SYNCRIP: variants seen among roughly 807,000 people sequenced by gnomAD.
SYNCRIP encodes heterogeneous nuclear ribonucleoprotein Q.
In SYNCRIP, 9 loss-of-function variants were observed where a neutral mutation model predicts 68.9. That is an observed-to-expected ratio of 0.13 (90% confidence interval 0.08 to 0.23). The LOEUF is 0.23. SYNCRIP is among the 10% of genes least tolerant of loss of function. SYNCRIP has a pLI of 1.00. For synonymous variants in SYNCRIP, 258 were observed against 254.0 expected (o/e 1.02, Z -0.15); for missense variants, 414 against 770.6 (o/e 0.54, Z 5.48).
chr6:85,623,913 C>G, intron 7 of SYNCRIP, 64 bp downstream of exon 7: 1 of 1,580,596 alleles, frequency 6.3e-7, no homozygotes, highest in East Asian at 2.2e-5. Context: ...GCATGACGCA[C>G]AGAAATATGC....
At chr6:85,636,746 T>C (rs1280178709) in intron 6 of SYNCRIP, among the ~76,000 whole-genome samples, 3 of 152,184 alleles carry the variant, frequency 2.0e-5, no homozygotes, top group African/African-American at 7.2e-5. Flanking sequence ...TAAGAACCAA[T>C]TGCTAGGAAT....
intron 6 of SYNCRIP, among the ~76,000 whole-genome samples, chr6:85,626,080 T>C (rs62443358): frequency 0.049 from 7,421 of 152,334 alleles, 261 homozygotes; most frequent in Non-Finnish European, 0.075. Context: ...TGTTTTCTCA[T>C]ATAGCATTCA....
chr6:85,618,407 A>C (rs1169463068), intron 10 of SYNCRIP, among the ~76,000 whole-genome samples: 1 of 151,638 alleles, frequency 6.6e-6, no homozygotes, highest in African/African-American at 2.4e-5. Flanking sequence ...ATTACCAGGC[A>C]TGGTGGCGCC....
intron 6 of SYNCRIP, among the ~76,000 whole-genome samples, chr6:85,635,416 T>C (rs1304631720): frequency 1.3e-5 from 2 of 152,194 alleles, no homozygotes; most frequent in African/African-American, 2.4e-5. Context: ...AATTTTGTAC[T>C]GTTTAACTTC....
At chr6:85,613,161 C>T (rs543267805), downstream of SYNCRIP, among the ~76,000 whole-genome samples, 9 of 151,506 alleles carry the variant, frequency 5.9e-5, no homozygotes, top group South Asian at 2.1e-4. Flanking sequence ...GGTTTGAAAA[C>T]CCCATTTTGT....
chr6:85,626,385 GA>G lies in SYNCRIP; in HGVS notation c.667-2274del, dbSNP rs201757217. ...ATTAACAAAAACAATTAAAATACCA[GA>G]AAAAGGTGGAAAGAAATACCAAGTG... On this transcript the variant is annotated intron_variant, in intron 6 of 10. Transcript: ENST00000369622. Among the ~76,000 whole-genome samples, 1,218 of 151,890 alleles carry G rather than the reference GA, an allele frequency of 8.0e-3. 20 individuals are homozygous for G. Among genetic ancestry groups the G allele is most frequent in the African/African-American group, 0.028 (1,167 of 41,392 alleles).
intron 2 of SYNCRIP, 64 bp from the exon 3 acceptor site, chr6:85,640,628 G>T: frequency 2.0e-6 from 2 of 1,006,800 alleles, no homozygotes; most frequent in Non-Finnish European, 2.9e-6. Context: ...AGAAGACTAT[G>T]TTGGCAATAC....
chr6:85,621,343 G>C (rs1806365618), intron 8 of SYNCRIP, among the ~76,000 whole-genome samples: 1 of 152,190 alleles, frequency 6.6e-6, no homozygotes, highest in African/African-American at 2.4e-5. Context: ...CTGGGGCATG[G>C]TGGCTCATGC....
chr6:85,616,927 A>G (rs897703138), intron 10 of SYNCRIP, among the ~76,000 whole-genome samples: 2 of 152,204 alleles, frequency 1.3e-5, no homozygotes, highest in Non-Finnish European at 2.9e-5. Flanking sequence ...AAAGTCCTAC[A>G]ACGCACAGGG....
At chr6:85,632,384 T>C (rs941494843) in intron 6 of SYNCRIP, among the ~76,000 whole-genome samples, 2 of 152,180 alleles carry the variant, frequency 1.3e-5, no homozygotes, top group South Asian at 2.1e-4. Context: ...AAACTCACTT[T>C]GGATAGAACT....
chr6:85,624,600 C>CT (rs1472428961), intron 6 of SYNCRIP, among the ~76,000 whole-genome samples: 14 of 152,210 alleles, frequency 9.2e-5, no homozygotes, highest in African/African-American at 3.4e-4. Context: ...TCCAACTGTA[C>CT]TTTTTCCCCA....
chr6:85,632,488 C>T (rs1452176788), intron 6 of SYNCRIP, among the ~76,000 whole-genome samples: 7 of 152,074 alleles, frequency 4.6e-5, no homozygotes, highest in African/African-American at 9.7e-5. Flanking sequence ...TATTCATGTC[C>T]GCAAATGAAT....
At chr6:85,619,049 C>A in intron 9 of SYNCRIP, 110 bp from the exon 10 acceptor site, 1 of 1,224,208 alleles carries the variant, frequency 8.2e-7, no homozygotes, top group South Asian at 1.4e-5. Context: ...GAGAAAGCCC[C>A]ATGCAGGCAG....
At chr6:85,624,288 C>A (rs1806789420) in intron 6 of SYNCRIP, among the ~76,000 whole-genome samples, 176 bp from the exon 7 acceptor site, 1 of 152,130 alleles carries the variant, frequency 6.6e-6, no homozygotes, top group South Asian at 2.1e-4. Context: ...AGTTCATGAA[C>A]CAATTTAATG....
chr6:85,608,417 G>C (rs1267371194), exon 12 of SYNCRIP: 1 of 151,874 alleles, frequency 6.6e-6, no homozygotes, highest in Non-Finnish European at 1.5e-5. Flanking sequence ...TAACATCAGA[G>C]GCAGTACAGA....
At chr6:85,642,449 G>A (rs563624388) in intron 1 of SYNCRIP, among the ~76,000 whole-genome samples, 159 of 152,250 alleles carry the variant, frequency 1.0e-3, no homozygotes, top group African/African-American at 3.1e-3. Context: ...CAAGCTCGCC[G>A]CACGGCTGCA....
intron 6 of SYNCRIP, among the ~76,000 whole-genome samples, chr6:85,632,950 T>C (rs1271088120): frequency 6.6e-6 from 1 of 150,646 alleles, no homozygotes; most frequent in Non-Finnish European, 1.5e-5. Flanking sequence ...ACAGTAATAA[T>C]AATTAAAACC....
chr6:85,629,555 G>T (rs911496041), intron 6 of SYNCRIP, among the ~76,000 whole-genome samples: 2 of 150,802 alleles, frequency 1.3e-5, no homozygotes, highest in Non-Finnish European at 3.0e-5. Context: ...CGGGTGCGGT[G>T]GCTCATGCCT....
In SYNCRIP at chr6:85,614,619, G is replaced by C. The variant is rs1318681450; in HGVS notation, c.*137C>G. 7.5e-7 allele frequency: 1 copy of C among 1,337,512 alleles called. No homozygotes were observed. Among genetic ancestry groups the C allele is most frequent in the African/African-American group, 1.5e-5 (1 of 66,160 alleles). The allele number at this position is 1,337,512 out of a possible 1,614,324, so 82.9% of individuals were successfully genotyped here. On this transcript the variant is annotated 3_prime_UTR_variant, in exon 11 of 11. Coordinates refer to ENST00000369622, the MANE Select transcript of SYNCRIP (RefSeq NM_006372.5). Reference sequence around the variant, plus strand: ...CAGTTAGAAGTGTGGCTTTGTTCGTGTCCAAGCGGATTGTTAAAATATATA... The same window carrying C: ...CAGTTAGAAGTGTGGCTTTGTTCGTCTCCAAGCGGATTGTTAAAATATATA...
Sources: gnomAD v4.1 joint callset for allele counts (sites outside exome capture counted in the v4.1 genomes callset) on GRCh38, gnomAD v4.1.1 for gene constraint, MANE v1.5 for transcripts, NCBI Gene and HGNC (gene_info 2026-07-23, HGNC 2026-07-21) for gene names.